Variants in HIVEP3 observed in about 807,000 individuals in gnomAD.
HIVEP3 encodes HIVEP zinc finger 3.
In HIVEP3, 49 loss-of-function variants were observed where a neutral mutation model predicts 152.8. The observed-to-expected ratio is 0.32, with a 90% CI of 0.26 to 0.41. The LOEUF is 0.41. HIVEP3 is among the 10% of genes least tolerant of loss of function. The pLI is 1.00. For synonymous variants in HIVEP3, 1,269 were observed against 1,289.0 expected (o/e 0.98, Z 0.33); for missense variants, 2,790 against 3,103.3 (o/e 0.90, Z 2.40).
chr1:41,946,991 G>A (rs1166001111), intron 1 of HIVEP3, among the ~76,000 whole-genome samples: 1 of 152,120 alleles, frequency 6.6e-6, no homozygotes, highest in Non-Finnish European at 1.5e-5. Flanking sequence ...CCCTTATACT[G>A]TGCTTTCCCA....
chr1:41,632,656 T>C (rs952044912), intron 2 of HIVEP3, among the ~76,000 whole-genome samples: 5 of 151,184 alleles, frequency 3.3e-5, no homozygotes, highest in Admixed American at 2.6e-4. Context: ...CTTGGGAGGG[T>C]AAGGCAGGAG....
At chr1:41,748,223 G>T (rs80223703) in intron 1 of HIVEP3, among the ~76,000 whole-genome samples, 2,870 of 152,192 alleles carry the variant, frequency 0.019, 80 homozygotes, top group African/African-American at 0.064. Context: ...TGGAATACTG[G>T]CTTTAGGTTC....
intron 1 of HIVEP3, among the ~76,000 whole-genome samples, chr1:41,804,969 C>T (rs1055815074): frequency 1.3e-5 from 2 of 152,232 alleles, no homozygotes; most frequent in Non-Finnish European, 2.9e-5. Flanking sequence ...ACAAAGCCTA[C>T]TTTCCCGGTA....
intron 1 of HIVEP3, among the ~76,000 whole-genome samples, chr1:41,958,359 G>T (rs1645151356): frequency 6.6e-6 from 1 of 152,198 alleles, no homozygotes; most frequent in African/African-American, 2.4e-5. Context: ...TCTGAAAACA[G>T]CTCCTGGTAG....
chr1:42,025,336 T>C, intron 1 of HIVEP3, among the ~76,000 whole-genome samples: 1 of 152,248 alleles, frequency 6.6e-6, no homozygotes, highest in East Asian at 1.9e-4. Context: ...TTCAGTTTTA[T>C]ATTTTTATTT....
At chr1:41,764,629 G>A (rs956105547) in intron 1 of HIVEP3, among the ~76,000 whole-genome samples, 9 of 152,214 alleles carry the variant, frequency 5.9e-5, no homozygotes, top group Admixed American at 2.6e-4. Context: ...AAACCTGTCT[G>A]CACTTTTGAT....
At chr1:41,653,419 G>C (rs369555803) in intron 2 of HIVEP3, among the ~76,000 whole-genome samples, 1 of 152,094 alleles carries the variant, frequency 6.6e-6, no homozygotes, top group Non-Finnish European at 1.5e-5. Context: ...CAGGATAAGG[G>C]TCTTTAAAGT....
At chr1:41,852,768 C>T (rs537956880) in intron 1 of HIVEP3, among the ~76,000 whole-genome samples, 22 of 152,360 alleles carry the variant, frequency 1.4e-4, no homozygotes, top group Non-Finnish European at 2.6e-4. Flanking sequence ...TACTCCCAAA[C>T]TGTTTCCACT....
intron 2 of HIVEP3, among the ~76,000 whole-genome samples, chr1:41,676,010 C>T (rs1354957277): frequency 6.6e-6 from 1 of 151,886 alleles, no homozygotes; most frequent in African/African-American, 2.4e-5. Flanking sequence ...CACATCACCC[C>T]GCTTCCCCTC....
chr1:41,615,269 G>T (rs1196417999), intron 3 of HIVEP3, among the ~76,000 whole-genome samples: 1 of 152,184 alleles, frequency 6.6e-6, no homozygotes, highest in Non-Finnish European at 1.5e-5. Flanking sequence ...AGAACTTCCA[G>T]CATGTTCTCC....
chr1:41,733,055 T>C (rs1008175667), intron 1 of HIVEP3, among the ~76,000 whole-genome samples: 1 of 152,188 alleles, frequency 6.6e-6, no homozygotes, highest in African/African-American at 2.4e-5. Context: ...ACAAAGCAGT[T>C]CAGAGCACAC....
In HIVEP3 at chr1:41,679,725, C is replaced by A. The variant is rs533907636; in HGVS notation, c.-721+21191G>T. On this transcript the variant is annotated intron_variant, in intron 2 of 8. Coordinates refer to ENST00000372583, the MANE Select transcript of HIVEP3 (RefSeq NM_024503.5). Reference sequence around the variant, plus strand: ...CCTGAAGGCTCAGCCCTGCCCATCACTGAATTCAGCCTGCCCAGACCTGGG... The same window carrying A: ...CCTGAAGGCTCAGCCCTGCCCATCAATGAATTCAGCCTGCCCAGACCTGGG... Among the ~76,000 whole-genome samples the A allele has an allele frequency of 1.4e-4, 21 of 152,360 alleles. No homozygotes were observed. In the South Asian group the frequency reaches 2.7e-3, roughly 20 times the overall value.
chr1:41,530,812 A>G (rs1182940750), intron 5 of HIVEP3, among the ~76,000 whole-genome samples: 1 of 152,116 alleles, frequency 6.6e-6, no homozygotes, highest in African/African-American at 2.4e-5. Flanking sequence ...CTCCACATCA[A>G]GCTTAAATGG....
intron 1 of HIVEP3, among the ~76,000 whole-genome samples, chr1:41,971,646 A>G (rs904525299): frequency 1.3e-5 from 2 of 152,192 alleles, no homozygotes; most frequent in African/African-American, 4.8e-5. Flanking sequence ...ACCTGTACAT[A>G]TTCAAAGCAT....
intron 1 of HIVEP3, among the ~76,000 whole-genome samples, chr1:42,016,480 A>T (rs1265777998): frequency 6.6e-6 from 1 of 152,198 alleles, no homozygotes; most frequent in Non-Finnish European, 1.5e-5. Context: ...ATACAAAAAT[A>T]AATTTAAATG....
chr1:41,575,426 C>A, intron 5 of HIVEP3, 118 bp downstream of exon 5: 1 of 1,078,094 alleles, frequency 9.3e-7, no homozygotes, highest in African/African-American at 1.6e-5. Flanking sequence ...ATCGCTGGGA[C>A]CACAGGGCAC....
chr1:42,015,784 G>T (rs1241254494), intron 1 of HIVEP3, among the ~76,000 whole-genome samples: 1 of 152,252 alleles, frequency 6.6e-6, no homozygotes, highest in Non-Finnish European at 1.5e-5. Flanking sequence ...CTAGGCAGGG[G>T]ATGTGCCATC....
chr1:41,756,904 C>T lies in HIVEP3; in HGVS notation c.-800-55909G>A, dbSNP rs1426875402. Among the ~76,000 whole-genome samples, 8 of 152,072 alleles carry T rather than the reference C, an allele frequency of 5.3e-5. No individual in the cohort carries two copies. In the East Asian group the frequency reaches 1.5e-3, roughly 29 times the overall value. ...ATTTGTTGAATAAACAAATAATATA[C>T]ACACACATTTGCAAAGTCTAGAAAG... is the stretch of plus-strand genomic sequence containing the variant. On this transcript the variant is annotated intron_variant, in intron 1 of 8. Coordinates refer to ENST00000372583, the MANE Select transcript of HIVEP3 (RefSeq NM_024503.5).
At chr1:41,854,425 T>C (rs184606673) in intron 1 of HIVEP3, among the ~76,000 whole-genome samples, 1 of 151,368 alleles carries the variant, frequency 6.6e-6, no homozygotes, top group East Asian at 2.0e-4. Context: ...CCCCACTGAC[T>C]CCTGTTCGCT....
Sources: gnomAD v4.1 joint callset for allele counts (sites outside exome capture counted in the v4.1 genomes callset) on GRCh38, gnomAD v4.1.1 for gene constraint, MANE v1.5 for transcripts, NCBI Gene and HGNC (gene_info 2026-07-23, HGNC 2026-07-21) for gene names.